The following FGF12 variants were observed in gnomAD, a reference collection of about 807,000 sequenced individuals.
The protein encoded by FGF12 is fibroblast growth factor 12B.
A neutral mutation model predicts 23.6 loss-of-function variants in FGF12; 14 were observed. The ratio of observed to expected loss-of-function variants is 0.59; its 90% CI spans 0.39 to 0.93. The LOEUF is 0.93. FGF12 is among the 40% of genes least tolerant of loss of function. The pLI, the probability that FGF12 is intolerant of heterozygous loss-of-function variation, is 0.00. For synonymous variants in FGF12, 62 were observed against 77.3 expected (o/e 0.80, Z 1.04); for missense variants, 175 against 217.8 (o/e 0.80, Z 1.24).
chr3:192,156,950 C>A (rs1040924179), intron 5 of FGF12, among the ~76,000 whole-genome samples: 1 of 152,086 alleles, frequency 6.6e-6, no homozygotes, highest in African/African-American at 2.4e-5. Flanking sequence ...ATGTTTCTTT[C>A]TATTCATGCT....
intron 2 of FGF12, among the ~76,000 whole-genome samples, chr3:192,512,679 T>TACCTCTGTCTG (rs1333853860): frequency 6.6e-6 from 1 of 151,224 alleles, no homozygotes; most frequent in African/African-American, 2.4e-5. Flanking sequence ...AACCGTATAT[T>TACCTCTGTCTG]ACCTCTGTCT....
chr3:192,611,164 A>G (rs1714537243), intron 2 of FGF12, among the ~76,000 whole-genome samples: 1 of 152,074 alleles, frequency 6.6e-6, no homozygotes, highest in Admixed American at 6.6e-5. Context: ...ATGGAGGGCC[A>G]GCTCCATTGC....
chr3:192,392,837 T>C (rs1269230492), intron 2 of FGF12, among the ~76,000 whole-genome samples: 2 of 152,210 alleles, frequency 1.3e-5, no homozygotes, highest in East Asian at 3.8e-4. Flanking sequence ...TGTAAATGAA[T>C]GTACAGTGGT....
chr3:192,666,333 T>C (rs1716872059), intron 2 of FGF12, among the ~76,000 whole-genome samples: 1 of 152,342 alleles, frequency 6.6e-6, no homozygotes, highest in South Asian at 2.1e-4. Context: ...TTGCTATCAC[T>C]TTCAAATTCA....
At chr3:192,604,065 G>T (rs958593891) in intron 2 of FGF12, among the ~76,000 whole-genome samples, 3 of 152,102 alleles carry the variant, frequency 2.0e-5, no homozygotes, top group African/African-American at 7.2e-5. Flanking sequence ...GTGAGGAAAA[G>T]AATTTAGTGA....
At chr3:192,642,488 G>A (rs1715844198) in intron 2 of FGF12, among the ~76,000 whole-genome samples, 1 of 152,158 alleles carries the variant, frequency 6.6e-6, no homozygotes, top group African/African-American at 2.4e-5. Flanking sequence ...TCCTGTGCAT[G>A]GTTATCTCTG....
intron 5 of FGF12, among the ~76,000 whole-genome samples, chr3:192,146,390 C>T (rs906455006): frequency 2.0e-5 from 3 of 151,674 alleles, no homozygotes; most frequent in Non-Finnish European, 4.4e-5. Flanking sequence ...CCTGTCTCAG[C>T]CTCCCAAGTA....
At chr3:192,297,924 C>G (rs540346159) in intron 4 of FGF12, among the ~76,000 whole-genome samples, 8 of 152,134 alleles carry the variant, frequency 5.3e-5, no homozygotes, top group Non-Finnish European at 8.8e-5. Context: ...TTTTTAAGAG[C>G]CACAGGTTTT....
chr3:192,546,486 CAA>C (rs34097611), intron 2 of FGF12, among the ~76,000 whole-genome samples: 67,539 of 142,722 alleles, frequency 0.47, 15,942 homozygotes, highest in East Asian at 0.56. Flanking sequence ...TGCTACTTTT[CAA>C]AAAAAAAAAA....
At chr3:192,292,770 AC>A (rs1714824270) in intron 4 of FGF12, among the ~76,000 whole-genome samples, 1 of 151,948 alleles carries the variant, frequency 6.6e-6, no homozygotes, top group Admixed American at 6.6e-5. Context: ...TGAACAAGGG[AC>A]TTCTTATTTA....
At chr3:192,446,928 T>C (rs929524591) in intron 2 of FGF12, among the ~76,000 whole-genome samples, 5 of 152,214 alleles carry the variant, frequency 3.3e-5, no homozygotes, top group Non-Finnish European at 7.3e-5. Flanking sequence ...TGTCCTGTCC[T>C]TTTACATTTG....
intron 4 of FGF12, chr3:192,268,789 T>A (rs1713243245): frequency 2.9e-6 from 1 of 348,804 alleles, no homozygotes; most frequent in Non-Finnish European, 5.8e-6. Flanking sequence ...AATTACCCAG[T>A]CTCAAGTATT....
chr3:192,447,149 A>G (rs201554905), intron 2 of FGF12, among the ~76,000 whole-genome samples: 1 of 152,238 alleles, frequency 6.6e-6, no homozygotes, highest in African/African-American at 2.4e-5. Context: ...AAAGGAAATC[A>G]CAGCCACTCA....
At chr3:192,402,396 G>A (rs1054303567) in intron 2 of FGF12, among the ~76,000 whole-genome samples, 8 of 152,212 alleles carry the variant, frequency 5.3e-5, no homozygotes, top group African/African-American at 1.9e-4. Context: ...CTGCCCTGAA[G>A]ATCTCCATCA....
At chr3:192,709,573 G>C (rs1214732039) in intron 2 of FGF12, among the ~76,000 whole-genome samples, 1 of 152,190 alleles carries the variant, frequency 6.6e-6, no homozygotes, top group African/African-American at 2.4e-5. Context: ...ACTTCACCAG[G>C]ATTGAGCCAG....
chr3:192,195,961 TCC>T (rs1410061385), intron 4 of FGF12, among the ~76,000 whole-genome samples: 1 of 152,180 alleles, frequency 6.6e-6, no homozygotes, highest in East Asian at 1.9e-4. Context: ...TGAACTTAAC[TCC>T]TCCCATCTAA....
intron 2 of FGF12, among the ~76,000 whole-genome samples, chr3:192,664,068 C>T (rs1298224675): frequency 6.6e-6 from 1 of 152,132 alleles, no homozygotes; most frequent in Non-Finnish European, 1.5e-5. Context: ...AGTAAAAATG[C>T]TCCTACCTTT....
At position 192,323,900 on chromosome 3, in the gene FGF12, G is replaced by T. The variant is rs1577353431; in HGVS notation, c.228+11461C>A. Among the ~76,000 whole-genome samples, 3 of 151,998 alleles carry T rather than the reference G, an allele frequency of 2.0e-5. No homozygotes were observed. The South Asian group carries it at 6.2e-4, about 31-fold the overall frequency. ...GAGCTCAGGAGATTGAGACCAGCCT[G>T]CGCAACACAGTGAAATACCATCTCT... On this transcript the variant is annotated intron_variant, in intron 4 of 5. Coordinates refer to ENST00000445105, the MANE Select transcript of FGF12 (RefSeq NM_004113.6).
intron 2 of FGF12, among the ~76,000 whole-genome samples, chr3:192,692,709 C>T (rs1717981077): frequency 7.9e-6 from 1 of 126,068 alleles, no homozygotes; most frequent in Non-Finnish European, 1.6e-5. Context: ...CAGACCCTGT[C>T]TAAAAAAAAA....
Sources: allele counts gnomAD v4.1 joint callset (sites outside exome capture counted in the v4.1 genomes callset), GRCh38; gene constraint gnomAD v4.1.1; transcripts MANE v1.5; gene names NCBI Gene and HGNC (gene_info 2026-07-23, HGNC 2026-07-21).